MYCBP2: variants seen among roughly 807,000 people sequenced by gnomAD.
MYCBP2 encodes E3 ubiquitin-protein ligase MYCBP2.
Under a neutral mutation model 525.3 loss-of-function variants are expected in MYCBP2, and 120 were observed. The ratio of observed to expected loss-of-function variants is 0.23; its 90% CI spans 0.20 to 0.27. The LOEUF (loss-of-function observed/expected upper bound fraction) is 0.27, where lower values mean the gene tolerates loss of function less well. Among genes scored for constraint, MYCBP2 ranks in the 10% least tolerant of loss-of-function variants. MYCBP2 has a pLI of 1.00. For synonymous variants in MYCBP2, 1,894 were observed against 1,955.8 expected, an observed-to-expected ratio of 0.97 and a Z score of 0.83; for missense variants, 4,149 against 5,657.1, an observed-to-expected ratio of 0.73 and a Z score of 8.55.
In MYCBP2 at chr13:77,061,787, T is replaced by A. The variant is rs1169029346; in HGVS notation, c.12778A>T (p.Met4260Leu). Reference sequence around the variant, plus strand: ...TCACCATCATCATGGTTATCACACATAGGCTAAAATAAGACATTTCCACGT... The same window carrying A: ...TCACCATCATCATGGTTATCACACAAAGGCTAAAATAAGACATTTCCACGT... ...GKDGQQKQMP[M>L]CDNHDDGETA... The change falls in exon 75 of 83, where the codon ATG becomes TTG. Residue 4260 changes from methionine to leucine, a missense_variant. By Grantham distance (15) the Met-to-Leu change is conservative. This residue lies in a region of MYCBP2 where 220 missense variants were observed against 396.0 expected (regional missense o/e 0.56). Coordinates refer to ENST00000544440, the MANE Select transcript of MYCBP2 (RefSeq NM_015057.5). 1 of 1,582,424 alleles carries A rather than the reference T, an allele frequency of 6.3e-7. No homozygotes were observed. The highest frequency in any genetic ancestry group is 1.3e-5 in the African/African-American group (1 of 74,224).
intron 16 of MYCBP2, 107 bp from the exon 17 acceptor site, chr13:77,243,267 C>T: frequency 3.6e-6 from 3 of 824,178 alleles, no homozygotes; most frequent in Non-Finnish European, 4.1e-6. Flanking sequence ...AAAACATTGT[C>T]TAAAACACAC....
At chr13:77,174,096 A>G (rs191472864) in intron 37 of MYCBP2, among the ~76,000 whole-genome samples, 1 of 152,370 alleles carries the variant, frequency 6.6e-6, no homozygotes, top group Admixed American at 6.5e-5. Flanking sequence ...TTGAAGAAAT[A>G]ACAGCAAAAA....
chr13:77,243,753 C>T, intron 16 of MYCBP2, 53 bp downstream of exon 16: 1 of 1,513,612 alleles, frequency 6.6e-7, no homozygotes, highest in Non-Finnish European at 8.9e-7. Flanking sequence ...AACTGTCAGA[C>T]TTACTGAGTT....
chr13:77,224,361 T>C (rs891777159), intron 20 of MYCBP2, 90 bp downstream of exon 20: 19 of 795,260 alleles, frequency 2.4e-5, no homozygotes, highest in African/African-American at 2.1e-4. Context: ...TAGAAATATA[T>C]ACTTAAAAAG....
chr13:77,267,710 T>G (rs1754262696), intron 8 of MYCBP2, 131 bp downstream of exon 8: 2 of 694,670 alleles, frequency 2.9e-6, no homozygotes, highest in African/African-American at 1.8e-5. Context: ...ATGCTTTGTA[T>G]GTCAAGATTT....
intron 1 of MYCBP2, among the ~76,000 whole-genome samples, chr13:77,325,178 CA>C (rs1156616653): frequency 6.6e-6 from 1 of 152,218 alleles, no homozygotes; most frequent in Non-Finnish European, 1.5e-5. Context: ...ACAGATAAGC[CA>C]TGATACCTAG....
chr13:77,119,910 C>T lies in MYCBP2; in HGVS notation c.8140+1463G>A, dbSNP rs182886502. On this transcript the variant is annotated intron_variant, in intron 55 of 82. Coordinates refer to ENST00000544440, the MANE Select transcript of MYCBP2 (RefSeq NM_015057.5). ...TGGCATGGTGCATGCTATTTTTGAA[C>T]GATATTCACAAAATCTCATGTTTAA... Among the ~76,000 whole-genome samples, 8 of 152,020 alleles carry T rather than the reference C, an allele frequency of 5.3e-5. No homozygotes were observed. In the East Asian group the frequency reaches 1.4e-3, roughly 26 times the overall value.
At chr13:77,187,292 CAACTT>C (rs1026957115) in intron 30 of MYCBP2, among the ~76,000 whole-genome samples, 6 of 152,120 alleles carry the variant, frequency 3.9e-5, no homozygotes, top group African/African-American at 1.4e-4. Flanking sequence ...ATACCAAACT[CAACTT>C]AAGACTAATA....
chr13:77,263,224 C>A (rs2073593060), intron 10 of MYCBP2, among the ~76,000 whole-genome samples: 1 of 151,974 alleles, frequency 6.6e-6, no homozygotes, highest in African/African-American at 2.4e-5. Context: ...CCTTGAAAAT[C>A]TATTCAAGTA....
Position 77,062,452 on chromosome 13 carries a change from A to C in MYCBP2, c.12774+144T>G. On this transcript the variant is annotated intron_variant, in intron 74 of 82. Coordinates refer to ENST00000544440, the MANE Select transcript of MYCBP2 (RefSeq NM_015057.5). ...TCTCTGAAATAGACTTGTGAGATGA[A>C]CTTGGCCGAAGGGACACAATCTTTC... 4 of 677,894 alleles carry C rather than the reference A, an allele frequency of 5.9e-6. No individual in the cohort carries two copies. In the South Asian group the frequency reaches 7.5e-5, roughly 13 times the overall value. The allele number at this position is 677,894 out of a possible 1,614,324, so 42.0% of individuals were successfully genotyped here.
intron 18 of MYCBP2, among the ~76,000 whole-genome samples, chr13:77,227,491 C>G (rs993694006): frequency 6.8e-6 from 1 of 147,192 alleles, no homozygotes; most frequent in Non-Finnish European, 1.5e-5. Context: ...TACACACACA[C>G]ACACACACAC....
In MYCBP2 at chr13:77,326,240, G is replaced by GACACACACACACACAC. The variant is rs398023536; in HGVS notation, c.302+218_302+233dup. On this transcript the variant is annotated intron_variant, in intron 1 of 82. Transcript: ENST00000544440. This position sits in a 1 kb window ranked among gnomAD's most constrained non-coding sequence, Gnocchi z 4.2. ...CACTATCCCCCCACATAGGCAGGCA[G>GACACACACACACACAC]ACACACACACACACACACACACACA... Among the ~76,000 whole-genome samples, 85 of 127,876 alleles carry GACACACACACACACAC rather than the reference G, an allele frequency of 6.6e-4. No individual in the cohort carries two copies. The highest frequency in any genetic ancestry group is 2.1e-3 in the African/African-American group (72 of 33,698). The allele number at this position is 127,876 out of a possible 152,430, so 83.9% of individuals were successfully genotyped here.
chr13:77,141,796 T>C (rs1053100254), intron 49 of MYCBP2, among the ~76,000 whole-genome samples: 4 of 149,174 alleles, frequency 2.7e-5, no homozygotes, highest in Admixed American at 6.7e-5. Flanking sequence ...AAAGTATACA[T>C]AGAGAAAATT....
intron 75 of MYCBP2, 152 bp from the exon 76 acceptor site, chr13:77,061,453 G>T: frequency 1.1e-6 from 1 of 900,144 alleles, no homozygotes; most frequent in Non-Finnish European, 1.6e-6. Context: ...AATCTTCACA[G>T]CAGTCCCTTT....
chr13:77,180,871 G>T (rs576011047), intron 33 of MYCBP2, among the ~76,000 whole-genome samples: 2 of 152,210 alleles, frequency 1.3e-5, no homozygotes, highest in Admixed American at 1.3e-4. Flanking sequence ...AGTAAACTGC[G>T]ATGGCACAAC....
Position 77,088,881 on chromosome 13 carries a change from G to C in MYCBP2, c.10676C>G (p.Ala3559Gly), listed in dbSNP as rs1566468118. The C allele has an allele frequency of 6.2e-7, 1 of 1,613,034 alleles. No homozygotes were observed. The highest frequency in any genetic ancestry group is 8.5e-7 in the Non-Finnish European group (1 of 1,179,386). Residue 3559 changes from alanine to glycine, a missense_variant, in exon 61 of 83, where the codon GCA becomes GGA. Transcript: ENST00000544440. The part of the protein sequence containing the change: ...QHHDLEGLEI[A>G]MKQALRKSAC... Reference sequence around the variant, plus strand: ...AGATTTCCTTAGGGCCTGTTTCATTGCTATTTCAAGACCTTCTAGATCATG... The same window carrying C: ...AGATTTCCTTAGGGCCTGTTTCATTCCTATTTCAAGACCTTCTAGATCATG...
In MYCBP2 at chr13:77,269,921, T is replaced by G. The variant is rs1298502925; in HGVS notation, c.1260+71A>C. 12 of 1,139,930 alleles carry G rather than the reference T, an allele frequency of 1.1e-5. No individual in the cohort carries two copies. The East Asian group carries it at 2.8e-4, about 27-fold the overall frequency. The allele number at this position is 1,139,930 out of a possible 1,614,324, so 70.6% of individuals were successfully genotyped here. A position where few individuals can be genotyped will look rare whatever the true frequency, so the allele number is the denominator to read the frequency against. On this transcript the variant is annotated intron_variant, in intron 7 of 82. Transcript: ENST00000544440. ...TCTGTTTAAATAGAAGTGATATTACTGATTAAACAAGGACAAATCACATGT... is the reference window on the plus strand; with the variant it reads ...TCTGTTTAAATAGAAGTGATATTACGGATTAAACAAGGACAAATCACATGT...
Position 77,055,090 on chromosome 13 carries a change from C to CAA in MYCBP2, c.13647+466_13647+467dup, listed in dbSNP as rs1175706434. On this transcript the variant is annotated intron_variant, in intron 80 of 82. Coordinates refer to ENST00000544440, the MANE Select transcript of MYCBP2 (RefSeq NM_015057.5). ...GGTAAGGAAGTATTTATTAAGTAGG[C>CAA]AAGAATGGAGCTCTAGGAAAACAAA... Among the ~76,000 whole-genome samples, 14 of 147,848 alleles carry CAA rather than the reference C, an allele frequency of 9.5e-5. No individual in the cohort carries two copies. The East Asian group carries it at 2.8e-3, about 29-fold the overall frequency.
At chr13:77,109,822 T>G (rs181348715) in intron 55 of MYCBP2, 1 of 152,338 alleles carries the variant, frequency 6.6e-6, no homozygotes, top group Admixed American at 6.5e-5. Context: ...ACTTTTATAA[T>G]TTCTTACACC....
Sources: allele counts gnomAD v4.1 joint callset (sites outside exome capture counted in the v4.1 genomes callset), GRCh38; gene constraint gnomAD v4.1.1; regional missense constraint gnomAD v4.1.1; non-coding constraint Gnocchi (gnomAD v3.1); transcripts MANE v1.5; gene names NCBI Gene and HGNC (gene_info 2026-07-23, HGNC 2026-07-21).